Variants in PKM observed in about 807,000 individuals in gnomAD.
PKM encodes pyruvate kinase PKM.
PKM carries 18 observed loss-of-function variants against 49.8 expected under a neutral mutation model. The observed-to-expected ratio is 0.36, with a 90% CI of 0.25 to 0.54. The LOEUF (loss-of-function observed/expected upper bound fraction) is 0.54. Ranked by LOEUF, PKM falls within the 20% of genes least tolerant of loss-of-function variation. The probability of loss-of-function intolerance (pLI) is 0.89; values close to 1 mark genes in which losing one functional copy is unlikely to be tolerated. For missense variants in PKM, 508 were observed against 713.8 expected, an observed-to-expected ratio of 0.71 and a Z score of 3.28; for synonymous variants, 239 against 261.8, an observed-to-expected ratio of 0.91 and a Z score of 0.84.
intron 3 of PKM, among the ~76,000 whole-genome samples, chr15:72,212,509 A>G (rs2082279949): frequency 6.6e-6 from 1 of 152,122 alleles, no homozygotes; most frequent in South Asian, 2.1e-4. Context: ...GAATAGTAAT[A>G]GTTGTTTTCT....
At chr15:72,218,853 A>C (rs2082442988) in intron 2 of PKM, 91 bp downstream of exon 2, 9 of 1,311,508 alleles carry the variant, frequency 6.9e-6, no homozygotes, top group Non-Finnish European at 9.8e-6. Flanking sequence ...TGTAGCACCT[A>C]GGTTTGTTAG....
chr15:72,230,325 C>G (rs1316781799), intron 1 of PKM, among the ~76,000 whole-genome samples: 1 of 152,100 alleles, frequency 6.6e-6, no homozygotes, highest in Non-Finnish European at 1.5e-5. Flanking sequence ...CCGCGCGGGG[C>G]ACCCAGCCCA....
chr15:72,225,361 A>G (rs1467245333), intron 1 of PKM, among the ~76,000 whole-genome samples: 1 of 151,108 alleles, frequency 6.6e-6, no homozygotes, highest in Admixed American at 6.6e-5. Context: ...TATTTATTTA[A>G]ATAGAGATGG....
chr15:72,229,702 A>C (rs1596817592), intron 1 of PKM: 2 of 1,220,128 alleles, frequency 1.6e-6, no homozygotes, highest in East Asian at 1.2e-4. Flanking sequence ...TACAGGAGAT[A>C]CATTTTAAGA....
chr15:72,207,931 G>C (rs149960978), intron 6 of PKM, among the ~76,000 whole-genome samples: 1 of 152,380 alleles, frequency 6.6e-6, no homozygotes, highest in African/African-American at 2.4e-5. Flanking sequence ...TAATCCACAA[G>C]AGTGTGTCTA....
At position 72,209,777 on chromosome 15, in the gene PKM, T is replaced by C. The variant is rs1596748994; in HGVS notation, c.461A>G (p.Glu154Gly). The C allele has an allele frequency of 6.8e-6, 11 of 1,614,116 alleles. No homozygotes were observed. Among genetic ancestry groups the C allele is most frequent in the Non-Finnish European group, 8.5e-6 (10 of 1,179,996 alleles). ...CTTGTAGTCCAGCCACAGGATGTTC[T>C]CGTCACACTTTTCCATGTAGGCGTT... ...LDNAYMEKCD[E>G]NILWLDYKNI... Residue 154 changes from glutamate (E) to glycine (G), a missense_variant, in exon 5 of 11, where the codon GAG (glutamate) becomes GGG (glycine). By Grantham distance (98) the Glu-to-Gly change is moderately conservative. Coordinates refer to ENST00000335181, the MANE Select transcript of PKM (RefSeq NM_002654.6).
At chr15:72,225,442 A>C (rs2082642541) in intron 1 of PKM, among the ~76,000 whole-genome samples, 1 of 152,068 alleles carries the variant, frequency 6.6e-6, no homozygotes, top group Admixed American at 6.6e-5. Flanking sequence ...TCAGCCTCTC[A>C]AAGTGCTGGG....
rs769141648 is a variant in PKM, at chr15:72,202,075, A to G, written c.1307+379T>C. 25 of 289,134 alleles carry G rather than the reference A, an allele frequency of 8.6e-5. No homozygotes were observed. The highest frequency in any genetic ancestry group is 1.6e-4 in the Non-Finnish European group (23 of 148,248). 17.9% of individuals were successfully genotyped at this position (289,134 alleles called of 1,614,324 possible). A position where few individuals can be genotyped will look rare whatever the true frequency, so the allele number is the denominator to read the frequency against. ...CAGTAAACAGCATTTAAATAAATTC[A>G]TTTCCCAACTGAAATTTTTAAAGAG... is the stretch of plus-strand genomic sequence containing the variant. On this transcript the variant is annotated intron_variant, in intron 9 of 10. Transcript: ENST00000335181. This position sits in a 1 kb window ranked among gnomAD's most constrained non-coding sequence, Gnocchi z 4.5.
chr15:72,213,046 G>C (rs1013103478), intron 3 of PKM, among the ~76,000 whole-genome samples: 1 of 151,872 alleles, frequency 6.6e-6, no homozygotes, highest in African/African-American at 2.4e-5. Flanking sequence ...CTGCATTCCA[G>C]CCTGGGTGAC....
At position 72,202,445 on chromosome 15, in the gene PKM, GCCT is replaced by G; in HGVS notation, c.1307+6_1307+8del. ...CAGGGCATTCCAGGGAGCCGCTGCCGCCTCCTACCTGCCAGACTTGGTGAGGAC... is the reference window on the plus strand; with the variant it reads ...CAGGGCATTCCAGGGAGCCGCTGCCGCCTACCTGCCAGACTTGGTGAGGAC... On this transcript the variant is annotated splice_donor_region_variant and intron_variant, in intron 9 of 10. Transcript: ENST00000335181. This position sits in a 1 kb window ranked among gnomAD's most constrained non-coding sequence, Gnocchi z 4.5. The G allele has an allele frequency of 3.1e-6, 5 of 1,610,790 alleles. No homozygotes were observed. The highest frequency in any genetic ancestry group is 1.1e-5 in the South Asian group (1 of 90,574).
chr15:72,208,476 T>C, intron 6 of PKM, 145 bp downstream of exon 6: 6 of 857,986 alleles, frequency 7.0e-6, no homozygotes, highest in Non-Finnish European at 1.2e-5. Context: ...TCTACTCTCC[T>C]AAGATATTCT....
At chr15:72,211,742 A>C (rs961331848) in intron 3 of PKM, among the ~76,000 whole-genome samples, 2 of 151,694 alleles carry the variant, frequency 1.3e-5, no homozygotes, top group African/African-American at 4.8e-5. Context: ...CTAGGAGGTC[A>C]AGGCTACAGT....
intron 1 of PKM, among the ~76,000 whole-genome samples, chr15:72,230,511 A>G (rs563710749): frequency 1.1e-4 from 16 of 151,950 alleles, no homozygotes; most frequent in African/African-American, 2.7e-4. Context: ...GAGGAAGGGG[A>G]TGCGGGGGAG....
Position 72,228,466 on chromosome 15 carries a change from A to G in PKM, c.-14+2650T>C, listed in dbSNP as rs2082748511. The G allele has an allele frequency of 8.2e-6, 3 of 364,608 alleles. No homozygotes were observed. In the East Asian group the frequency reaches 3.2e-4, roughly 39 times the overall value. The allele number at this position is 364,608 out of a possible 1,614,324, so 22.6% of individuals were successfully genotyped here. On this transcript the variant is annotated intron_variant, in intron 1 of 10. Transcript: ENST00000335181. ...GATCTCGGCTCACTGCAAGCTCCGTAGTTGAGGCATTTTTAATTAGGGGAA... is the reference window on the plus strand; with the variant it reads ...GATCTCGGCTCACTGCAAGCTCCGTGGTTGAGGCATTTTTAATTAGGGGAA...
intron 1 of PKM, among the ~76,000 whole-genome samples, chr15:72,223,393 C>T (rs534997100): frequency 6.6e-6 from 1 of 152,114 alleles, no homozygotes; most frequent in Non-Finnish European, 1.5e-5. Flanking sequence ...AATGATGGCA[C>T]CTGATGCTCA....
rs769452067 is a variant in PKM at position 72,210,518 on chromosome 15, C to T, written c.247-40G>A. On this transcript the variant is annotated intron_variant, in intron 3 of 10. Coordinates refer to ENST00000335181, the MANE Select transcript of PKM (RefSeq NM_002654.6). ...GGAAGATGACAAGCGTGCTCCCACACTAGAATCCAGCTCCAATTCCCCTGC... is the reference window on the plus strand; with the variant it reads ...GGAAGATGACAAGCGTGCTCCCACATTAGAATCCAGCTCCAATTCCCCTGC... 2.5e-6 allele frequency: 4 copies of T among 1,613,166 alleles called. No homozygotes were observed. In the East Asian group the frequency reaches 6.7e-5, roughly 27 times the overall value.
At chr15:72,207,029 G>A in intron 7 of PKM, 98 bp downstream of exon 7, 2 of 1,514,862 alleles carry the variant, frequency 1.3e-6, no homozygotes, top group East Asian at 4.5e-5. Flanking sequence ...TGTGTTACGT[G>A]CGACAATTCC....
intron 1 of PKM, among the ~76,000 whole-genome samples, chr15:72,224,940 G>A (rs1431698666): frequency 1.1e-5 from 1 of 90,416 alleles, no homozygotes; most frequent in Admixed American, 1.1e-4. Context: ...TTTTTTTTTT[G>A]AGATGGAGTC....
intron 5 of PKM, 101 bp downstream of exon 5, chr15:72,209,572 A>G (rs1340992947): frequency 2.1e-6 from 2 of 958,984 alleles, no homozygotes; most frequent in Non-Finnish European, 3.4e-6. Flanking sequence ...CACAGACTCA[A>G]TCTCACTGCC....
Sources: allele counts gnomAD v4.1 joint callset (sites outside exome capture counted in the v4.1 genomes callset), GRCh38; gene constraint gnomAD v4.1.1; non-coding constraint Gnocchi (gnomAD v3.1); transcripts MANE v1.5; gene names NCBI Gene and HGNC (gene_info 2026-07-23, HGNC 2026-07-21).